FCHSD2: variants seen among roughly 807,000 people sequenced by gnomAD.
FCHSD2 encodes the protein FCH and double SH3 domains 2.
In FCHSD2, 38 loss-of-function variants were observed where a neutral mutation model predicts 108.1. The observed-to-expected ratio is 0.35, with a 90% CI of 0.27 to 0.46. The LOEUF is 0.46. Among genes scored for constraint, FCHSD2 ranks in the 20% least tolerant of loss-of-function variants. The probability of loss-of-function intolerance (pLI) is 1.00; values close to 1 mark genes in which losing one functional copy is unlikely to be tolerated. For missense variants in FCHSD2, 751 were observed against 897.8 expected, an observed-to-expected ratio of 0.84 and a Z score of 2.09; for synonymous variants, 279 against 314.7, an observed-to-expected ratio of 0.89 and a Z score of 1.20.
chr11:73,011,671 C>T (rs1261674997), intron 4 of FCHSD2, among the ~76,000 whole-genome samples: 1 of 152,166 alleles, frequency 6.6e-6, no homozygotes, highest in Non-Finnish European at 1.5e-5. Flanking sequence ...TGGCAGCTCC[C>T]TATCTTAGTT....
chr11:73,127,037 A>G (rs1807784053), intron 2 of FCHSD2, among the ~76,000 whole-genome samples: 1 of 152,214 alleles, frequency 6.6e-6, no homozygotes, highest in South Asian at 2.1e-4. Context: ...CTCTGTCTCA[A>G]AAGCAAACAA....
At chr11:72,880,005 A>G in intron 12 of FCHSD2, among the ~76,000 whole-genome samples, 1 of 148,786 alleles carries the variant, frequency 6.7e-6, no homozygotes, top group East Asian at 1.9e-4. Flanking sequence ...GTCTCAAAAA[A>G]AAAAAAAAAA....
chr11:72,965,494 A>G (rs1456782219), intron 8 of FCHSD2, among the ~76,000 whole-genome samples: 1 of 152,146 alleles, frequency 6.6e-6, no homozygotes, highest in Non-Finnish European at 1.5e-5. Flanking sequence ...CTTTCCTTCT[A>G]TTTCCTATGT....
At chr11:73,086,813 G>C (rs1035926297) in intron 2 of FCHSD2, among the ~76,000 whole-genome samples, 3 of 152,152 alleles carry the variant, frequency 2.0e-5, no homozygotes, top group Non-Finnish European at 2.9e-5. Flanking sequence ...ATTAATCCAA[G>C]TGTCCCAGAA....
chr11:72,888,419 T>C (rs1478174473), intron 11 of FCHSD2, among the ~76,000 whole-genome samples: 1 of 152,110 alleles, frequency 6.6e-6, no homozygotes, highest in East Asian at 1.9e-4. Context: ...AAAGCTCAAA[T>C]GTAATGGGCT....
chr11:73,087,509 C>T (rs1859848477), intron 2 of FCHSD2, among the ~76,000 whole-genome samples: 1 of 151,924 alleles, frequency 6.6e-6, no homozygotes. Context: ...AGTTTGAGAC[C>T]AGTCTGCCAA....
chr11:73,071,211 G>A (rs1230141928), intron 3 of FCHSD2, among the ~76,000 whole-genome samples: 1 of 152,090 alleles, frequency 6.6e-6, no homozygotes, highest in Non-Finnish European at 1.5e-5. Flanking sequence ...CCTCTTCCTA[G>A]TTTTGCACTT....
At chr11:72,923,863 C>T (rs1856022539) in intron 8 of FCHSD2, among the ~76,000 whole-genome samples, 1 of 152,126 alleles carries the variant, frequency 6.6e-6, no homozygotes, top group African/African-American at 2.4e-5. Context: ...TGCTTGTACC[C>T]AGGAGGTGGA....
At chr11:73,040,403 CACAT>C (rs1200335690) in intron 3 of FCHSD2, among the ~76,000 whole-genome samples, 5 of 152,192 alleles carry the variant, frequency 3.3e-5, no homozygotes, top group African/African-American at 7.2e-5. Flanking sequence ...GATGTATAAA[CACAT>C]ACACACAGAT....
chr11:72,889,501 G>A lies in FCHSD2; in HGVS notation c.1041+328C>T, dbSNP rs567374565. ...AAAACACATATAATGCTTGAGCAAA[G>A]GAGTTTGAGACCAGCCTGGGAAACA... On this transcript the variant is annotated intron_variant, in intron 11 of 19. Transcript: ENST00000409418. Among the ~76,000 whole-genome samples, 6 of 152,254 alleles carry A rather than the reference G, an allele frequency of 3.9e-5. No homozygotes were observed. The South Asian group carries it at 6.2e-4, about 16-fold the overall frequency.
intron 8 of FCHSD2, among the ~76,000 whole-genome samples, chr11:72,935,814 A>G (rs1856288269): frequency 6.6e-6 from 1 of 152,230 alleles, no homozygotes; most frequent in African/African-American, 2.4e-5. Context: ...AAGAGGAAAC[A>G]AATAAGGAAG....
intron 2 of FCHSD2, among the ~76,000 whole-genome samples, chr11:73,115,847 C>T (rs566082682): frequency 4.4e-4 from 67 of 152,336 alleles, no homozygotes; most frequent in African/African-American, 1.5e-3. Context: ...GGGTAGCCTC[C>T]TTTACTTAAA....
At chr11:72,949,336 G>C (rs1212105144) in intron 8 of FCHSD2, among the ~76,000 whole-genome samples, 1 of 152,074 alleles carries the variant, frequency 6.6e-6, no homozygotes, top group African/African-American at 2.4e-5. Context: ...TGTAATCACA[G>C]CTACTCAGGA....
At chr11:72,943,278 C>T (rs1457614291) in intron 8 of FCHSD2, among the ~76,000 whole-genome samples, 1 of 152,198 alleles carries the variant, frequency 6.6e-6, no homozygotes. Flanking sequence ...CAGGCATGAC[C>T]TACTTTGCCC....
intron 2 of FCHSD2, among the ~76,000 whole-genome samples, chr11:73,106,406 CAAAAAAAA>C (rs781338343): frequency 1.5e-4 from 10 of 65,038 alleles, no homozygotes; most frequent in African/African-American, 4.5e-4. Context: ...ACTCTGTCTC[CAAAAAAAA>C]AAAAAAAAGA....
chr11:73,118,470 T>C (rs939355714), intron 2 of FCHSD2, among the ~76,000 whole-genome samples: 2 of 152,224 alleles, frequency 1.3e-5, no homozygotes, highest in Non-Finnish European at 1.5e-5. Flanking sequence ...CTGCCTGTTT[T>C]AGAACTTTTC....
chr11:72,880,068 A>AAAACAAAC (rs10664954), intron 12 of FCHSD2, among the ~76,000 whole-genome samples: 20 of 146,754 alleles, frequency 1.4e-4, no homozygotes, highest in African/African-American at 2.5e-4. Context: ...AAACAAGACA[A>AAAACAAAC]AAACAAACAA....
chr11:72,934,215 T>C (rs1377447285), intron 8 of FCHSD2, among the ~76,000 whole-genome samples: 1 of 151,818 alleles, frequency 6.6e-6, no homozygotes, highest in African/African-American at 2.4e-5. Context: ...TGCATCTGTA[T>C]CTTGTCTAGC....
intron 8 of FCHSD2, chr11:72,940,376 C>T: frequency 2.2e-6 from 1 of 459,446 alleles, no homozygotes; most frequent in Non-Finnish European, 3.9e-6. Context: ...AATGCAGTTA[C>T]CAAATATTGT....
Sources: allele counts gnomAD v4.1 joint callset (sites outside exome capture counted in the v4.1 genomes callset), GRCh38; gene constraint gnomAD v4.1.1; transcripts MANE v1.5; gene names NCBI Gene and HGNC (gene_info 2026-07-23, HGNC 2026-07-21).